RGSL1: variants seen among roughly 807,000 people sequenced by gnomAD.
The protein encoded by RGSL1 is regulator of G protein signaling protein-like.
A neutral mutation model predicts 124.7 loss-of-function variants in RGSL1; 97 were observed. That is an observed-to-expected ratio of 0.78 (90% CI 0.66 to 0.92). RGSL1 has a LOEUF of 0.92. RGSL1 is among the 40% of genes least tolerant of loss of function. RGSL1 has a pLI of 0.00. For synonymous variants in RGSL1, 424 were observed against 438.1 expected (o/e 0.97, Z 0.40); for missense variants, 1,233 against 1,288.4 (o/e 0.96, Z 0.66).
chr1:182,521,981 C>T (rs1474553658), intron 9 of RGSL1, 23 bp from the exon 10 acceptor site: 5 of 1,440,558 alleles, frequency 3.5e-6, no homozygotes, highest in Non-Finnish European at 2.8e-6. Context: ...TAGTGTTCTC[C>T]AACTTAGTGA....
At position 182,521,987 on chromosome 1, in the gene RGSL1, A is replaced by C; in HGVS notation, c.1826-17A>C. On this transcript the variant is annotated splice_polypyrimidine_tract_variant and intron_variant, in intron 9 of 21. Coordinates refer to ENST00000294854, the MANE Select transcript of RGSL1 (RefSeq NM_001137669.2). ...CTTATAATATAGTGTTCTCCAACTT[A>C]GTGATTTTTTTTTTAGATTTTAAAA... The C allele has an allele frequency of 6.9e-7, 1 of 1,453,930 alleles. No homozygotes were observed. The highest frequency in any genetic ancestry group is 9.4e-7 in the Non-Finnish European group (1 of 1,068,610). The allele number at this position is 1,453,930 out of a possible 1,614,324, so 90.1% of individuals were successfully genotyped here.
intron 9 of RGSL1, among the ~76,000 whole-genome samples, chr1:182,513,827 G>A (rs761677204): frequency 6.6e-6 from 1 of 151,968 alleles, no homozygotes; most frequent in Non-Finnish European, 1.5e-5. Context: ...AGGAGATAGA[G>A]AGGTGTACTT....
intron 4 of RGSL1, among the ~76,000 whole-genome samples, chr1:182,464,398 C>T (rs2102008695): frequency 6.6e-6 from 1 of 152,144 alleles, no homozygotes; most frequent in East Asian, 1.9e-4. Context: ...AAAAAGTCAG[C>T]AAAATAAACC....
At chr1:182,459,980 G>GT (rs1334905358) in intron 3 of RGSL1, 24 bp from the exon 4 acceptor site, 6 of 1,542,816 alleles carry the variant, frequency 3.9e-6, no homozygotes, top group Admixed American at 2.0e-5. Context: ...TAGCATTTTT[G>GT]TTTCTATTTT....
At chr1:182,473,458 G>T in intron 5 of RGSL1, 117 bp from the exon 6 acceptor site, 2 of 1,128,624 alleles carry the variant, frequency 1.8e-6, no homozygotes, top group Non-Finnish European at 2.4e-6. Context: ...ATTATATGAG[G>T]AACTAATAAA....
chr1:182,493,796 C>T (rs1488235526), intron 9 of RGSL1, among the ~76,000 whole-genome samples: 1 of 152,170 alleles, frequency 6.6e-6, no homozygotes, highest in Non-Finnish European at 1.5e-5. Flanking sequence ...ACTCAGGCAT[C>T]TAGGGGAATG....
chr1:182,463,500 G>T (rs1653022280), intron 4 of RGSL1, among the ~76,000 whole-genome samples: 1 of 151,688 alleles, frequency 6.6e-6, no homozygotes, highest in African/African-American at 2.4e-5. Context: ...AGAAAGCAGG[G>T]GTGCCTATAA....
chr1:182,514,412 G>C (rs1657704678), intron 9 of RGSL1, among the ~76,000 whole-genome samples: 1 of 152,126 alleles, frequency 6.6e-6, no homozygotes, highest in South Asian at 2.1e-4. Flanking sequence ...TGCTATATGT[G>C]ATACAAAGCT....
At chr1:182,488,943 T>C in intron 7 of RGSL1, 37 bp from the exon 8 acceptor site, 1 of 1,510,852 alleles carries the variant, frequency 6.6e-7, no homozygotes, top group Non-Finnish European at 9.0e-7. Flanking sequence ...CTAGTTCCTG[T>C]AACAAATGCC....
At chr1:182,487,855 T>C (rs1655209238) in intron 6 of RGSL1, among the ~76,000 whole-genome samples, 2 of 152,248 alleles carry the variant, frequency 1.3e-5, no homozygotes, top group South Asian at 4.1e-4. Context: ...TGTGTTTGTT[T>C]GTTTTAATGT....
intron 4 of RGSL1, among the ~76,000 whole-genome samples, chr1:182,467,983 A>G (rs899806640): frequency 6.6e-6 from 1 of 152,260 alleles, no homozygotes. Context: ...TTCTCAAAAG[A>G]AGACATTTAT....
intron 15 of RGSL1, among the ~76,000 whole-genome samples, chr1:182,547,314 C>T (rs1392367586): frequency 6.6e-6 from 1 of 151,930 alleles, no homozygotes; most frequent in Non-Finnish European, 1.5e-5. Flanking sequence ...CTTGGGAGAC[C>T]CAAAATTCTT....
intron 4 of RGSL1, among the ~76,000 whole-genome samples, chr1:182,470,341 C>T (rs1193035413): frequency 1.3e-5 from 2 of 151,926 alleles, no homozygotes; most frequent in African/African-American, 4.8e-5. Context: ...GAGAACTGGC[C>T]CCATTTCCTC....
At chr1:182,497,325 ATTATATATATATATTTT>A (rs1345536752) in intron 9 of RGSL1, among the ~76,000 whole-genome samples, 1 of 144,974 alleles carries the variant, frequency 6.9e-6, no homozygotes. Context: ...AGATATATAT[ATTATATATATATATTTT>A]TATATCTCCT....
intron 14 of RGSL1, among the ~76,000 whole-genome samples, chr1:182,535,683 T>C (rs1659490544): frequency 8.5e-5 from 13 of 152,228 alleles, no homozygotes; most frequent in Admixed American, 8.5e-4. Context: ...TCAAATTATC[T>C]GGCACATTTG....
At chr1:182,484,569 CAGGTTCG>C (rs1654951128) in intron 6 of RGSL1, among the ~76,000 whole-genome samples, 1 of 152,204 alleles carries the variant, frequency 6.6e-6, no homozygotes, top group South Asian at 2.1e-4. Flanking sequence ...CTTCAGTTCA[CAGGTTCG>C]GGGCTCAGCA....
intron 17 of RGSL1, chr1:182,550,201 A>C (rs1298065468): frequency 6.6e-6 from 1 of 152,308 alleles, no homozygotes; most frequent in Non-Finnish European, 1.5e-5. Context: ...TGAGGTTCAG[A>C]GTGGTTGAGG....
intron 9 of RGSL1, among the ~76,000 whole-genome samples, chr1:182,517,845 A>G (rs1308544482): frequency 1.3e-5 from 2 of 152,094 alleles, no homozygotes; most frequent in African/African-American, 4.8e-5. Context: ...TTGGTCAGAG[A>G]GCTCACATAT....
intron 9 of RGSL1, among the ~76,000 whole-genome samples, chr1:182,516,265 C>T (rs1430798318): frequency 1.3e-5 from 2 of 152,224 alleles, no homozygotes; most frequent in Non-Finnish European, 2.9e-5. Context: ...GGTTTCCAGG[C>T]TTGGGAGCGG....
Sources: allele counts gnomAD v4.1 joint callset (sites outside exome capture counted in the v4.1 genomes callset), GRCh38; gene constraint gnomAD v4.1.1; transcripts MANE v1.5; gene names NCBI Gene and HGNC (gene_info 2026-07-23, HGNC 2026-07-21).